The following NEGR1 variants were observed in gnomAD, a reference collection of about 807,000 sequenced individuals.
The protein encoded by NEGR1 is neuronal growth regulator 1.
In NEGR1, 10 loss-of-function variants were observed where a neutral mutation model predicts 40.9. That is an observed-to-expected ratio of 0.24 (90% CI 0.15 to 0.42). The LOEUF is 0.42. Among genes scored for constraint, NEGR1 ranks in the 10% least tolerant of loss-of-function variants. The pLI is 1.00. For missense variants in NEGR1, 352 were observed against 438.9 expected (o/e 0.80, Z 1.77); for synonymous variants, 185 against 166.8 (o/e 1.11, Z -0.84).
At chr1:72,085,402 C>T (rs1019412920) in intron 1 of NEGR1, among the ~76,000 whole-genome samples, 2 of 152,092 alleles carry the variant, frequency 1.3e-5, no homozygotes, top group African/African-American at 4.8e-5. Flanking sequence ...TATTTGTTAT[C>T]ATAGCCAATT....
intron 1 of NEGR1, among the ~76,000 whole-genome samples, chr1:72,223,966 T>C (rs1654094459): frequency 6.6e-6 from 1 of 152,148 alleles, no homozygotes; most frequent in African/African-American, 2.4e-5. Context: ...TCTGACTAAT[T>C]ATTACCAATG....
At chr1:72,220,609 A>G (rs34274959) in intron 1 of NEGR1, among the ~76,000 whole-genome samples, 20,088 of 152,122 alleles carry the variant, frequency 0.13, 1,699 homozygotes, top group Non-Finnish European at 0.19. Flanking sequence ...TTTGTGATAT[A>G]GTACTTACTA....
At chr1:72,092,393 G>A (rs1648533259) in intron 1 of NEGR1, among the ~76,000 whole-genome samples, 1 of 152,106 alleles carries the variant, frequency 6.6e-6, no homozygotes, top group African/African-American at 2.4e-5. Context: ...ACACTAGGAG[G>A]TGGAGAGGCA....
At chr1:72,163,735 T>TAGAC (rs1553146981) in intron 1 of NEGR1, among the ~76,000 whole-genome samples, 4 of 83,108 alleles carry the variant, frequency 4.8e-5, no homozygotes, top group Non-Finnish European at 9.2e-5. Context: ...ATCTAATAGA[T>TAGAC]AGATAGATAG....
chr1:71,993,218 A>C (rs1423202637), intron 1 of NEGR1, among the ~76,000 whole-genome samples: 2 of 152,242 alleles, frequency 1.3e-5, no homozygotes, highest in Non-Finnish European at 2.9e-5. Flanking sequence ...TCAAGTTATA[A>C]AATTTCAGAA....
chr1:71,444,744 C>CGT (rs1553142205), intron 6 of NEGR1, among the ~76,000 whole-genome samples: 1 of 152,060 alleles, frequency 6.6e-6, no homozygotes, highest in East Asian at 1.9e-4. Flanking sequence ...TCAAGAAAAA[C>CGT]TGTCAATCCC....
chr1:71,950,581 C>T (rs1646060919), intron 1 of NEGR1, among the ~76,000 whole-genome samples: 2 of 151,938 alleles, frequency 1.3e-5, no homozygotes, highest in South Asian at 4.1e-4. Context: ...GTGAAGCTGT[C>T]AAAATCTTTT....
chr1:72,009,204 T>C (rs1211874746), intron 1 of NEGR1, among the ~76,000 whole-genome samples: 1 of 152,074 alleles, frequency 6.6e-6, no homozygotes, highest in East Asian at 1.9e-4. Flanking sequence ...TAATATTTTG[T>C]TGCTAAATTC....
At chr1:72,239,536 G>A (rs916749879) in intron 1 of NEGR1, among the ~76,000 whole-genome samples, 6 of 119,442 alleles carry the variant, frequency 5.0e-5, no homozygotes, top group African/African-American at 1.9e-4. Flanking sequence ...ATTGTTTGGG[G>A]TAGTGACATA....
intron 2 of NEGR1, among the ~76,000 whole-genome samples, chr1:71,854,370 G>T (rs1397708191): frequency 6.6e-6 from 1 of 151,866 alleles, no homozygotes; most frequent in Non-Finnish European, 1.5e-5. Flanking sequence ...AATATAGTAG[G>T]TCCTCAATAA....
At chr1:72,102,331 C>T (rs927966542) in intron 1 of NEGR1, among the ~76,000 whole-genome samples, 7 of 151,916 alleles carry the variant, frequency 4.6e-5, no homozygotes, top group African/African-American at 1.7e-4. Context: ...AATAAGAAAG[C>T]TCCATGGTCT....
Position 71,958,381 on chromosome 1 carries a change from T to A in NEGR1, c.177-23070A>T, listed in dbSNP as rs368707267. ...ACATTTGCTATTTAAGCCTAATTTA[T>A]AACTGGAAATAAAACTTTTGTCTCT... On this transcript the variant is annotated intron_variant, in intron 1 of 6. Coordinates refer to ENST00000357731, the MANE Select transcript of NEGR1 (RefSeq NM_173808.3). Among the ~76,000 whole-genome samples the A allele has an allele frequency of 3.9e-5, 6 of 152,124 alleles. No homozygotes were observed. The South Asian group carries it at 8.3e-4, about 21-fold the overall frequency.
At chr1:72,153,974 T>C (rs1651260167) in intron 1 of NEGR1, among the ~76,000 whole-genome samples, 1 of 151,664 alleles carries the variant, frequency 6.6e-6, no homozygotes. Context: ...GTGAAATAAG[T>C]TTCTGGGTAG....
intron 1 of NEGR1, among the ~76,000 whole-genome samples, chr1:72,087,617 AT>A (rs895831194): frequency 2.6e-5 from 4 of 151,516 alleles, no homozygotes; most frequent in South Asian, 2.1e-4. Flanking sequence ...TTATTTATGT[AT>A]TTTTTTATGT....
chr1:72,109,873 T>C (rs373536436), intron 1 of NEGR1, among the ~76,000 whole-genome samples: 37 of 151,740 alleles, frequency 2.4e-4, no homozygotes, highest in African/African-American at 8.0e-4. Context: ...GCATATATCA[T>C]TGGAGATTCT....
chr1:71,928,626 T>A (rs1010203531), intron 2 of NEGR1, among the ~76,000 whole-genome samples: 1 of 150,750 alleles, frequency 6.6e-6, no homozygotes, highest in Non-Finnish European at 1.5e-5. Flanking sequence ...TATAAAATGA[T>A]CGTCCTGTTA....
At chr1:71,873,176 A>G (rs1434994780) in intron 2 of NEGR1, among the ~76,000 whole-genome samples, 1 of 149,386 alleles carries the variant, frequency 6.7e-6, no homozygotes, top group Non-Finnish European at 1.5e-5. Context: ...GTTTGATTCT[A>G]ATAGAAAAGT....
chr1:72,107,349 T>C (rs1182928413), intron 1 of NEGR1, among the ~76,000 whole-genome samples: 1 of 151,648 alleles, frequency 6.6e-6, no homozygotes, highest in Non-Finnish European at 1.5e-5. Context: ...GGAAAAAACA[T>C]TGTATTGAAC....
At chr1:72,082,714 CAA>C (rs56286693) in intron 1 of NEGR1, among the ~76,000 whole-genome samples, 9 of 139,500 alleles carry the variant, frequency 6.5e-5, no homozygotes, top group South Asian at 4.6e-4. Context: ...AAACAAAAAA[CAA>C]AAAAAAAAAA....
Sources: allele counts gnomAD v4.1 joint callset (sites outside exome capture counted in the v4.1 genomes callset), GRCh38; gene constraint gnomAD v4.1.1; transcripts MANE v1.5; gene names NCBI Gene and HGNC (gene_info 2026-07-23, HGNC 2026-07-21).